CCDC171: variants seen among roughly 807,000 people sequenced by gnomAD.
CCDC171 encodes coiled-coil domain-containing protein 171.
A neutral mutation model predicts 168.2 loss-of-function variants in CCDC171; 177 were observed. The observed-to-expected ratio is 1.05, with a 90% CI of 0.93 to 1.19. The LOEUF (loss-of-function observed/expected upper bound fraction) is 1.19, where lower values mean the gene tolerates loss of function less well. CCDC171 is among the 50% of genes most tolerant of loss of function. The probability of loss-of-function intolerance (pLI) is 0.00; values close to 1 mark genes in which losing one functional copy is unlikely to be tolerated. For missense variants in CCDC171, 1,991 were observed against 1,539.0 expected (o/e 1.29, Z -4.91); for synonymous variants, 687 against 540.8 (o/e 1.27, Z -3.75).
At chr9:15,998,637 C>A (rs1832441534) in intron 3 of CCDC171, among the ~76,000 whole-genome samples, 1 of 152,138 alleles carries the variant, frequency 6.6e-6, no homozygotes, top group Non-Finnish European at 1.5e-5. Flanking sequence ...TAGGTTGGAC[C>A]TTCAGAAGCG....
intron 4 of CCDC171, among the ~76,000 whole-genome samples, chr9:15,579,889 A>G (rs1051939161): frequency 7.9e-5 from 12 of 152,144 alleles, no homozygotes; most frequent in African/African-American, 2.2e-4. Context: ...GTAGTGTCCA[A>G]TTTTTGATTA....
chr9:15,837,234 A>G (rs758291965), intron 21 of CCDC171, among the ~76,000 whole-genome samples: 6 of 152,220 alleles, frequency 3.9e-5, no homozygotes, highest in Non-Finnish European at 5.9e-5. Context: ...TCTAGGCTCC[A>G]GAAGCCATAT....
intron 24 of CCDC171, among the ~76,000 whole-genome samples, chr9:15,903,485 G>A (rs954223879): frequency 6.7e-6 from 1 of 149,792 alleles, no homozygotes; most frequent in Non-Finnish European, 1.5e-5. Flanking sequence ...ACTGTTAGAA[G>A]GAAAACTAAC....
chr9:15,865,696 G>T (rs1030855209), intron 23 of CCDC171, among the ~76,000 whole-genome samples: 2 of 151,864 alleles, frequency 1.3e-5, no homozygotes, highest in Admixed American at 1.3e-4. Flanking sequence ...CACAAAATAT[G>T]TGTTAATCAA....
intron 8 of CCDC171, among the ~76,000 whole-genome samples, chr9:15,657,961 A>G (rs1372281620): frequency 6.6e-6 from 1 of 152,164 alleles, no homozygotes; most frequent in African/African-American, 2.4e-5. Flanking sequence ...TTTTCTGTAA[A>G]GTTTTATTAG....
chr9:15,668,538 A>G (rs2048889308), intron 9 of CCDC171, among the ~76,000 whole-genome samples: 1 of 152,114 alleles, frequency 6.6e-6, no homozygotes, highest in Non-Finnish European at 1.5e-5. Context: ...TCTGTATATA[A>G]CTGTCATAAT....
intron 7 of CCDC171, among the ~76,000 whole-genome samples, chr9:15,629,290 T>G (rs969484152): frequency 2.6e-4 from 40 of 151,964 alleles, no homozygotes; most frequent in Non-Finnish European, 4.7e-4. Context: ...TGAAAAAAAT[T>G]TAGACGAATG....
chr9:15,744,315 C>T lies in CCDC171; in HGVS notation c.2092C>T (p.His698Tyr). 5 of 1,593,254 alleles carry T rather than the reference C, an allele frequency of 3.1e-6. No homozygotes were observed. The highest frequency in any genetic ancestry group is 1.7e-4 in the Middle Eastern group (1 of 5,952). Reference sequence around the variant, plus strand: ...TGAAAAAAACATGGAAAAATTGAACCATATTGAGAAGTCACATGAACAGTT... The same window carrying T: ...TGAAAAAAACATGGAAAAATTGAACTATATTGAGAAGTCACATGAACAGTT... ...IAEKNMEKLN[H>Y]IEKSHEQLVL... Residue 698 changes from histidine to tyrosine, a missense_variant, in exon 17 of 26, where the codon CAT (histidine) becomes TAT (tyrosine). His to Tyr is a moderately conservative substitution (Grantham distance 83). Coordinates refer to ENST00000380701, the MANE Select transcript of CCDC171 (RefSeq NM_173550.4).
intron 18 of CCDC171, among the ~76,000 whole-genome samples, chr9:15,761,811 A>G (rs920997401): frequency 1.2e-4 from 18 of 152,246 alleles, no homozygotes; most frequent in African/African-American, 4.3e-4. Flanking sequence ...GTGATTTCTT[A>G]TATTATCACT....
At chr9:15,848,835 T>A (rs960352313) in intron 22 of CCDC171, 58 bp from the exon 23 acceptor site, 2 of 901,248 alleles carry the variant, frequency 2.2e-6, no homozygotes, top group Non-Finnish European at 3.5e-6. Context: ...TACTAAAATG[T>A]GTAACAGTTG....
At chr9:15,966,598 T>A (rs887722754) in intron 25 of CCDC171, among the ~76,000 whole-genome samples, 14 of 152,156 alleles carry the variant, frequency 9.2e-5, no homozygotes, top group Admixed American at 2.6e-4. Context: ...ATTCTACCTC[T>A]TTTTTCTGAT....
chr9:15,961,468 G>A (rs1450920727), intron 25 of CCDC171, among the ~76,000 whole-genome samples: 9 of 152,124 alleles, frequency 5.9e-5, no homozygotes, highest in Non-Finnish European at 1.5e-5. Flanking sequence ...TGCATAAGGA[G>A]TTGCATTTGC....
the CCDC171 span, among the ~76,000 whole-genome samples, chr9:16,101,180 G>A: frequency 6.6e-6 from 1 of 152,222 alleles, no homozygotes; most frequent in Non-Finnish European, 1.5e-5. Context: ...TCTGCTGCAA[G>A]CCAGTCTCTG....
chr9:15,852,256 T>C (rs1358432254), intron 23 of CCDC171, among the ~76,000 whole-genome samples: 1 of 151,858 alleles, frequency 6.6e-6, no homozygotes, highest in Non-Finnish European at 1.5e-5. Flanking sequence ...AGTTTCAATT[T>C]TTGTTAATGG....
At chr9:15,758,425 C>T (rs2056258770) in intron 18 of CCDC171, among the ~76,000 whole-genome samples, 1 of 152,198 alleles carries the variant, frequency 6.6e-6, no homozygotes, top group Admixed American at 6.5e-5. Flanking sequence ...ATGCCTGTAC[C>T]TCCACTGTAT....
intron 24 of CCDC171, among the ~76,000 whole-genome samples, chr9:15,896,664 A>G (rs1354444780): frequency 4.6e-5 from 7 of 152,066 alleles, no homozygotes; most frequent in Non-Finnish European, 1.0e-4. Flanking sequence ...TACATTTGCT[A>G]TCCTTATCAA....
At chr9:15,657,053 A>T (rs2047993797) in intron 7 of CCDC171, 74 bp from the exon 8 acceptor site, 2 of 746,938 alleles carry the variant, frequency 2.7e-6, no homozygotes, top group Admixed American at 2.8e-5. Flanking sequence ...GTTAATTATA[A>T]TGCTGGACTG....
intron 7 of CCDC171, among the ~76,000 whole-genome samples, chr9:15,638,307 A>T (rs918295749): frequency 1.3e-5 from 2 of 152,116 alleles, no homozygotes; most frequent in Non-Finnish European, 2.9e-5. Context: ...AGTATATTTT[A>T]TGTTGGCTGT....
At chr9:15,619,048 T>C (rs1438433225) in intron 6 of CCDC171, among the ~76,000 whole-genome samples, 1 of 152,116 alleles carries the variant, frequency 6.6e-6, no homozygotes, top group Admixed American at 6.6e-5. Context: ...CATAAGGTGA[T>C]GTACTTAATT....
Sources: allele counts gnomAD v4.1 joint callset (sites outside exome capture counted in the v4.1 genomes callset), GRCh38; gene constraint gnomAD v4.1.1; transcripts MANE v1.5; gene names NCBI Gene and HGNC (gene_info 2026-07-23, HGNC 2026-07-21).